MED13L: variants seen among roughly 807,000 people sequenced by gnomAD.
MED13L encodes mediator of RNA polymerase II transcription subunit 13-like.
In MED13L, 7 loss-of-function variants were observed where a neutral mutation model predicts 220.9. The ratio of observed to expected loss-of-function variants is 0.03; its 90% CI spans 0.02 to 0.06. The LOEUF is 0.06. MED13L is among the 10% of genes least tolerant of loss of function. The pLI, the probability that MED13L is intolerant of heterozygous loss-of-function variation, is 1.00. For synonymous variants in MED13L, 1,011 were observed against 1,015.2 expected (o/e 1.00, Z 0.08); for missense variants, 1,965 against 2,760.5 (o/e 0.71, Z 6.46).
At chr12:116,022,689 C>T in intron 4 of MED13L, 88 bp from the exon 5 acceptor site, 1 of 1,376,886 alleles carries the variant, frequency 7.3e-7, no homozygotes, top group Middle Eastern at 2.2e-4. Flanking sequence ...TACAGCTCTA[C>T]TTTATCAACC....
At chr12:116,219,602 G>A (rs1027607391) in intron 2 of MED13L, among the ~76,000 whole-genome samples, 3 of 152,102 alleles carry the variant, frequency 2.0e-5, no homozygotes, top group African/African-American at 2.4e-5. Flanking sequence ...CCTAACTTTC[G>A]AAGCATTCAT....
At chr12:116,207,567 T>C (rs1423122026) in intron 2 of MED13L, among the ~76,000 whole-genome samples, 4 of 152,222 alleles carry the variant, frequency 2.6e-5, no homozygotes, top group East Asian at 1.9e-4. Context: ...TTAGCATTTC[T>C]AGTAATATTG....
chr12:116,274,862 G>T (rs909081243), intron 1 of MED13L, among the ~76,000 whole-genome samples: 3 of 151,796 alleles, frequency 2.0e-5, no homozygotes, highest in African/African-American at 7.3e-5. Flanking sequence ...AGGTTTAGGG[G>T]AGAAATATCT....
intron 4 of MED13L, among the ~76,000 whole-genome samples, chr12:116,061,059 A>C (rs1869433021): frequency 6.6e-6 from 1 of 152,184 alleles, no homozygotes; most frequent in Admixed American, 6.5e-5. Flanking sequence ...CTGATCATTA[A>C]GTTAAATGCT....
At chr12:115,982,630 C>A in intron 21 of MED13L, 27 bp from the exon 22 acceptor site, 1 of 1,560,634 alleles carries the variant, frequency 6.4e-7, no homozygotes, top group African/African-American at 1.4e-5. Flanking sequence ...TTGTGAGATG[C>A]ACAAAATAAA....
At chr12:116,208,392 G>A (rs944098824) in intron 2 of MED13L, among the ~76,000 whole-genome samples, 9 of 150,464 alleles carry the variant, frequency 6.0e-5, no homozygotes, top group Non-Finnish European at 1.0e-4. Flanking sequence ...GCAAAACTCC[G>A]TCTCAAAACA....
chr12:116,148,636 G>C (rs989869258), intron 2 of MED13L: 1 of 190,642 alleles, frequency 5.2e-6, no homozygotes, highest in Middle Eastern at 2.3e-3. Flanking sequence ...TATATACGGA[G>C]CTAGATATAG....
intron 4 of MED13L, among the ~76,000 whole-genome samples, chr12:116,084,203 T>C (rs1450919413): frequency 1.3e-5 from 2 of 152,226 alleles, no homozygotes. Flanking sequence ...TTCTAAGGGA[T>C]GGGGAAAAGG....
At chr12:116,245,461 T>C (rs951160077) in intron 1 of MED13L, among the ~76,000 whole-genome samples, 4 of 152,056 alleles carry the variant, frequency 2.6e-5, no homozygotes, top group African/African-American at 9.7e-5. Flanking sequence ...CAAGAATTGC[T>C]AAATAATTAA....
At chr12:116,062,358 T>C (rs1869567196) in intron 4 of MED13L, among the ~76,000 whole-genome samples, 2 of 152,088 alleles carry the variant, frequency 1.3e-5, no homozygotes, top group African/African-American at 4.8e-5. Flanking sequence ...TTCACCATGT[T>C]GGCCAGGCTT....
At chr12:116,001,282 C>T (rs1394818414) in intron 14 of MED13L, among the ~76,000 whole-genome samples, 5 of 152,010 alleles carry the variant, frequency 3.3e-5, no homozygotes, top group Non-Finnish European at 5.9e-5. Flanking sequence ...CTGCAACCTC[C>T]GCCTCCTGGG....
At chr12:116,059,587 T>G (rs1026350710) in intron 4 of MED13L, among the ~76,000 whole-genome samples, 9 of 151,786 alleles carry the variant, frequency 5.9e-5, no homozygotes, top group African/African-American at 2.2e-4. Context: ...CCAGCTAATT[T>G]TTGTGTTTTT....
rs987219499 is a variant in MED13L, at chr12:116,246,440, A to G, written c.73-8735T>C. On this transcript the variant is annotated intron_variant, in intron 1 of 30. Coordinates refer to ENST00000281928, the MANE Select transcript of MED13L (RefSeq NM_015335.5). ...AGACTTCTTCAGGAAGGTGAAACTA[A>G]TAAAACACCTGATACATCTGAGAGT... Among the ~76,000 whole-genome samples, 4 of 151,970 alleles carry G rather than the reference A, an allele frequency of 2.6e-5. No homozygotes were observed. In the East Asian group the frequency reaches 7.8e-4, roughly 30 times the overall value.
intron 4 of MED13L, among the ~76,000 whole-genome samples, chr12:116,054,859 T>TC (rs1431878979): frequency 5.9e-5 from 9 of 152,312 alleles, no homozygotes; most frequent in Admixed American, 3.3e-4. Context: ...CCTAGGTATA[T>TC]ACCCAATAGA....
At chr12:116,153,138 C>T (rs1236781579) in intron 2 of MED13L, among the ~76,000 whole-genome samples, 1 of 152,136 alleles carries the variant, frequency 6.6e-6, no homozygotes, top group Admixed American at 6.5e-5. Flanking sequence ...AGGGCAATGA[C>T]ATCACATGTA....
At chr12:116,257,757 G>C (rs936200392) in intron 1 of MED13L, among the ~76,000 whole-genome samples, 6 of 151,918 alleles carry the variant, frequency 3.9e-5, no homozygotes, top group Non-Finnish European at 7.4e-5. Flanking sequence ...TTTTATCGAG[G>C]TGATCATTTT....
intron 13 of MED13L, 104 bp from the exon 14 acceptor site, chr12:116,003,206 A>C (rs1878853485): frequency 5.4e-6 from 5 of 923,156 alleles, no homozygotes; most frequent in Non-Finnish European, 8.7e-6. Context: ...TCTTGGTAGA[A>C]GCGTTTACCA....
In MED13L at chr12:116,008,381, G is replaced by A; in HGVS notation, c.2012+20C>T. On this transcript the variant is annotated intron_variant, in intron 10 of 30. Transcript: ENST00000281928. ...ATGCCCTTCCGGTGGACGGGTGGGT[G>A]GTGCAGAGAGCTGTCTTACCTTTGC... 1 of 1,594,010 alleles carries A rather than the reference G, an allele frequency of 6.3e-7. No homozygotes were observed. Among genetic ancestry groups the A allele is most frequent in the Non-Finnish European group, 8.6e-7 (1 of 1,168,664 alleles).
In MED13L at chr12:116,183,772, CCT is replaced by C. The variant is rs1026252013; in HGVS notation, c.310+53694_310+53695del. On this transcript the variant is annotated intron_variant, in intron 2 of 30. Coordinates refer to ENST00000281928, the MANE Select transcript of MED13L (RefSeq NM_015335.5). ...GAAAAAATCAACATCAGATTATTTC[CCT>C]GAGTCATAAATTCTTGTGTAGAAAA... 4.1e-5 allele frequency among the ~76,000 whole-genome samples: 6 copies of C among 148,078 alleles called. No homozygotes were observed. The East Asian group carries it at 1.0e-3, about 25-fold the overall frequency.
Sources: gnomAD v4.1 joint callset for allele counts (sites outside exome capture counted in the v4.1 genomes callset) on GRCh38, gnomAD v4.1.1 for gene constraint, MANE v1.5 for transcripts, NCBI Gene and HGNC (gene_info 2026-07-23, HGNC 2026-07-21) for gene names.